The following UNC13C variants were observed in gnomAD, a reference collection of about 807,000 sequenced individuals.
The protein encoded by UNC13C is protein unc-13 homolog C.
In UNC13C, 174 loss-of-function variants were observed where a neutral mutation model predicts 245.4. The ratio of observed to expected loss-of-function variants is 0.71; its 90% confidence interval spans 0.63 to 0.80. The LOEUF is 0.80. Ranked by LOEUF, UNC13C falls within the 30% of genes least tolerant of loss-of-function variation. The pLI is 0.00. For synonymous variants in UNC13C, 992 were observed against 895.1 expected (o/e 1.11, Z -1.93); for missense variants, 2,829 against 2,602.9 (o/e 1.09, Z -1.89).
rs773485401 is a variant in UNC13C, at chr15:54,012,937, C to T, written c.34C>T (p.Pro12Ser). ...TAATTTTTTCAAGAGCTTGATTTTA[C>T]CTTACATTCATAAGCTTTGCAAAGG... is the stretch of plus-strand genomic sequence containing the variant. ...VANFFKSLIL[P>S]YIHKLCKGMF... Residue 12 changes from proline to serine, a missense_variant, in exon 2 of 33, where the codon CCT becomes TCT. Pro to Ser is a moderately conservative substitution (Grantham distance 74). Coordinates refer to ENST00000260323, the MANE Select transcript of UNC13C (RefSeq NM_001080534.3). The T allele has an allele frequency of 3.7e-6, 6 of 1,609,422 alleles. No homozygotes were observed. The highest frequency in any genetic ancestry group is 2.5e-6 in the Non-Finnish European group (3 of 1,178,222).
At chr15:54,210,306 T>C (rs59449072) in intron 4 of UNC13C, among the ~76,000 whole-genome samples, 12,405 of 150,920 alleles carry the variant, frequency 0.082, 846 homozygotes, top group African/African-American at 0.18. Context: ...TAGAGTTATT[T>C]CTATATTAGC....
At chr15:54,427,367 T>G (rs560310475) in intron 19 of UNC13C, among the ~76,000 whole-genome samples, 1 of 151,924 alleles carries the variant, frequency 6.6e-6, no homozygotes, top group South Asian at 2.1e-4. Flanking sequence ...GCTTCCACCA[T>G]GTAAGAAGTG....
At chr15:53,934,046 A>G in the UNC13C span, among the ~76,000 whole-genome samples, 1 of 152,212 alleles carries the variant, frequency 6.6e-6, no homozygotes. Context: ...GAAGCTTAAA[A>G]TCATGGCAAA....
At chr15:54,280,819 ACAGAGTCTCACT>A (rs1300468861) in intron 10 of UNC13C, among the ~76,000 whole-genome samples, 1 of 150,578 alleles carries the variant, frequency 6.6e-6, no homozygotes, top group Non-Finnish European at 1.5e-5. Flanking sequence ...AAAAATTGTG[ACAGAGTCTCACT>A]CTGTCGCCCA....
intron 17 of UNC13C, among the ~76,000 whole-genome samples, chr15:54,365,159 T>C (rs115536029): frequency 0.01 from 1,526 of 152,224 alleles, 31 homozygotes; most frequent in African/African-American, 0.035. Flanking sequence ...TCTCAGTATT[T>C]TCCTGCGTCC....
At chr15:54,152,899 C>T (rs1204693954) in intron 4 of UNC13C, among the ~76,000 whole-genome samples, 1 of 151,746 alleles carries the variant, frequency 6.6e-6, no homozygotes, top group Non-Finnish European at 1.5e-5. Flanking sequence ...TTGTATTTTC[C>T]AATGAAGCAT....
At chr15:54,367,009 G>T (rs988283127) in intron 17 of UNC13C, among the ~76,000 whole-genome samples, 4 of 151,966 alleles carry the variant, frequency 2.6e-5, no homozygotes, top group African/African-American at 7.3e-5. Flanking sequence ...GAACCTCAGG[G>T]GATACAGTGA....
At chr15:53,975,132 T>A (rs1893655952), upstream of UNC13C, among the ~76,000 whole-genome samples, 1 of 152,210 alleles carries the variant, frequency 6.6e-6, no homozygotes, top group Non-Finnish European at 1.5e-5. Flanking sequence ...AGTTACATAC[T>A]GTCAATTCTA....
At chr15:53,931,585 G>A in the UNC13C span, among the ~76,000 whole-genome samples, 1 of 152,068 alleles carries the variant, frequency 6.6e-6, no homozygotes, top group Admixed American at 6.6e-5. Flanking sequence ...CCACTTTCCT[G>A]GGTGATGCAG....
the UNC13C span, among the ~76,000 whole-genome samples, chr15:53,888,372 A>C: frequency 1.3e-5 from 2 of 152,142 alleles, no homozygotes; most frequent in Non-Finnish European, 2.9e-5. Context: ...GTGTCTGTTC[A>C]TATGCTTTGC....
rs146101093 is a variant in UNC13C, at chr15:54,087,844, G to A, written c.2984-55174G>A. Among the ~76,000 whole-genome samples, 883 of 152,280 alleles carry A rather than the reference G, an allele frequency of 5.8e-3. 7 individuals are homozygous for A. The highest frequency in any genetic ancestry group is 0.031 in the South Asian group (152 of 4,826). On this transcript the variant is annotated intron_variant, in intron 2 of 32. Transcript: ENST00000260323. ...TTTTGTCTGTGCCAGAGACTTTCCT[G>A]ATTGAGGAAATTATCAATAATTTCC...
At chr15:54,563,268 T>C (rs1274501598) in intron 29 of UNC13C, among the ~76,000 whole-genome samples, 1 of 152,054 alleles carries the variant, frequency 6.6e-6, no homozygotes, top group Non-Finnish European at 1.5e-5. Flanking sequence ...TTTCTGCCTT[T>C]GTTTTTTTAA....
the UNC13C span, among the ~76,000 whole-genome samples, chr15:53,962,247 C>T: frequency 3.3e-5 from 5 of 152,018 alleles, 1 homozygote; most frequent in African/African-American, 1.2e-4. Context: ...TATCATTTTT[C>T]ATGCTAATAA....
chr15:54,244,286 G>T (rs2035934317), intron 7 of UNC13C, among the ~76,000 whole-genome samples: 1 of 152,026 alleles, frequency 6.6e-6, no homozygotes, highest in African/African-American at 2.4e-5. Context: ...GGTTGAAGGT[G>T]CATGGTCTTG....
At chr15:54,228,257 T>C (rs1214911148) in intron 4 of UNC13C, among the ~76,000 whole-genome samples, 4 of 152,042 alleles carry the variant, frequency 2.6e-5, no homozygotes, top group East Asian at 1.9e-4. Context: ...AGCAATGTGC[T>C]CCCATCTGGC....
intron 4 of UNC13C, among the ~76,000 whole-genome samples, chr15:54,197,141 A>G (rs923429689): frequency 2.6e-5 from 4 of 152,336 alleles, no homozygotes; most frequent in Non-Finnish European, 4.4e-5. Flanking sequence ...TATGTTCTAC[A>G]TAGAAAATGC....
chr15:53,970,429 T>C, the UNC13C span, among the ~76,000 whole-genome samples: 1 of 152,196 alleles, frequency 6.6e-6, no homozygotes, highest in Non-Finnish European at 1.5e-5. Flanking sequence ...GTATTTTCTT[T>C]ACCCACTCAT....
intron 2 of UNC13C, among the ~76,000 whole-genome samples, chr15:54,083,643 G>A (rs1899077035): frequency 6.6e-6 from 1 of 152,144 alleles, no homozygotes; most frequent in Non-Finnish European, 1.5e-5. Flanking sequence ...GATTGGTGAT[G>A]CGCCTTCATT....
chr15:54,629,428 A>AAAAT (rs758990978), downstream of UNC13C: 1 of 152,274 alleles, frequency 6.6e-6, no homozygotes, highest in East Asian at 1.9e-4. Context: ...CCCTGAATCT[A>AAAAT]AAATAAAAGT....
Sources: gnomAD v4.1 joint callset for allele counts (sites outside exome capture counted in the v4.1 genomes callset) on GRCh38, gnomAD v4.1.1 for gene constraint, MANE v1.5 for transcripts, NCBI Gene and HGNC (gene_info 2026-07-23, HGNC 2026-07-21) for gene names.